EIF2AK4: variants seen among roughly 807,000 people sequenced by gnomAD.
The protein encoded by EIF2AK4 is eIF-2-alpha kinase GCN2.
Under a neutral mutation model 211.1 loss-of-function variants are expected in EIF2AK4, and 139 were observed. The observed-to-expected ratio is 0.66, with a 90% CI of 0.57 to 0.76. The LOEUF is 0.76. Among genes scored for constraint, EIF2AK4 ranks in the 30% least tolerant of loss-of-function variants. The pLI is 0.00. For synonymous variants in EIF2AK4, 710 were observed against 751.3 expected (o/e 0.94, Z 0.90); for missense variants, 1,664 against 2,043.8 (o/e 0.81, Z 3.58).
At chr15:40,011,104 C>T (rs141643866) in intron 26 of EIF2AK4, among the ~76,000 whole-genome samples, 177 bp from the exon 27 acceptor site, 3 of 152,152 alleles carry the variant, frequency 2.0e-5, no homozygotes, top group Admixed American at 1.3e-4. Flanking sequence ...AAGTTAATTA[C>T]GGTTTTGTGT....
chr15:39,981,923 A>ATT (rs2034794204), intron 13 of EIF2AK4, among the ~76,000 whole-genome samples: 1 of 88,490 alleles, frequency 1.1e-5, no homozygotes, highest in Admixed American at 1.1e-4. Context: ...TAATGTGGTC[A>ATT]CTTTTTTTTT....
At chr15:40,020,131 C>G (rs2035362523) in intron 30 of EIF2AK4, among the ~76,000 whole-genome samples, 1 of 150,532 alleles carries the variant, frequency 6.6e-6, no homozygotes, top group Admixed American at 6.6e-5. Flanking sequence ...CATGCCACTT[C>G]CACTCCAGCT....
chr15:39,997,256 G>A (rs867549793), intron 19 of EIF2AK4, among the ~76,000 whole-genome samples, 191 bp downstream of exon 19: 1 of 152,112 alleles, frequency 6.6e-6, no homozygotes, highest in Non-Finnish European at 1.5e-5. Context: ...ACATTTTTCT[G>A]AGCAAAGGAA....
In EIF2AK4 at chr15:39,987,579, T is replaced by C. The variant is rs12592321; in HGVS notation, c.2404-404T>C. ...TATTTTTCTCTAAACTTGAAGGTCA[T>C]TTGTGTTTAATGTAAGAAAAGCTAA... On this transcript the variant is annotated intron_variant, in intron 14 of 38. Coordinates refer to ENST00000263791, the MANE Select transcript of EIF2AK4 (RefSeq NM_001013703.4). 2.7e-3 allele frequency among the ~76,000 whole-genome samples: 412 copies of C among 152,308 alleles called. 22 individuals are homozygous for C. In the East Asian group the frequency reaches 0.071, roughly 26 times the overall value.
rs773939846 is a variant in EIF2AK4 at position 40,008,111 on chromosome 15, C to G, written c.3492C>G (p.Val1164=). Residue 1164 remains valine (V), a synonymous_variant, in exon 25 of 39, where the codon GTC becomes GTG. Transcript: ENST00000263791. ...KELLECAFDI[V]TSTTNSFLPT... ...TTCTGGAGTGTGCATTTGATATTGT[C>G]ACTTCTACCACCAACAGCTTTCTGC... The G allele has an allele frequency of 6.2e-6, 10 of 1,612,890 alleles. No homozygotes were observed. In the Admixed American group the frequency reaches 1.5e-4, roughly 24 times the overall value.
chr15:39,973,613 T>A lies in EIF2AK4; in HGVS notation c.1682T>A (p.Val561Asp). ...SPEDSEGQDY[V>D]ETVIPSNRLP... ...TCAGATTCTGAAGGACAAGATTATG[T>A]TGAGACTGTTATTCCTAGCAACCGG... The change falls in exon 11 of 39, where the codon GTT becomes GAT. Residue 561 changes from valine to aspartate, a missense_variant. Val to Asp is a radical substitution (Grantham distance 152, BLOSUM62 -3). Coordinates refer to ENST00000263791, the MANE Select transcript of EIF2AK4 (RefSeq NM_001013703.4). 1 of 1,613,786 alleles carries A rather than the reference T, an allele frequency of 6.2e-7. No homozygotes were observed. The highest frequency in any genetic ancestry group is 8.5e-7 in the Non-Finnish European group (1 of 1,179,796).
intron 23 of EIF2AK4, 76 bp downstream of exon 23, chr15:40,003,390 T>C: frequency 6.4e-7 from 1 of 1,574,382 alleles, no homozygotes. Flanking sequence ...TTAAAGGATT[T>C]TTCCCCCAGG....
chr15:39,937,035 G>A (rs1470566466), intron 1 of EIF2AK4, among the ~76,000 whole-genome samples: 2 of 151,906 alleles, frequency 1.3e-5, no homozygotes, highest in African/African-American at 4.8e-5. Flanking sequence ...ACATTTTGAG[G>A]TGCATGCTAA....
intron 32 of EIF2AK4, among the ~76,000 whole-genome samples, chr15:40,024,582 T>C (rs1314081743): frequency 6.6e-6 from 1 of 151,412 alleles, no homozygotes; most frequent in Non-Finnish European, 1.5e-5. Flanking sequence ...GTATTTTTAG[T>C]AGAGACAGGG....
At chr15:39,944,682 C>T (rs1308014951) in intron 3 of EIF2AK4, among the ~76,000 whole-genome samples, 1 of 152,180 alleles carries the variant, frequency 6.6e-6, no homozygotes, top group Non-Finnish European at 1.5e-5. Flanking sequence ...GTCCACCCGC[C>T]TCGGCCTCCC....
intron 19 of EIF2AK4, among the ~76,000 whole-genome samples, chr15:39,997,730 G>A (rs1202655391): frequency 6.6e-6 from 1 of 152,180 alleles, no homozygotes; most frequent in African/African-American, 2.4e-5. Flanking sequence ...GTGTTCTTGG[G>A]ATTAATCCTT....
Position 39,997,005 on chromosome 15 carries a change from G to A in EIF2AK4, c.2808G>A (p.Met936Ile). ...LFSLGIIFFEMSYHPMVTASE... is the reference protein window; with the variant it reads ...LFSLGIIFFEISYHPMVTASE... The stretch of plus-strand genomic sequence containing the variant: ...GCCTGGGAATTATCTTCTTTGAGAT[G>A]TCCTATCACCCCATGGTCACGGCTT... Residue 936 changes from methionine to isoleucine, a missense_variant, in exon 19 of 39, where the codon ATG becomes ATA. Coordinates refer to ENST00000263791, the MANE Select transcript of EIF2AK4 (RefSeq NM_001013703.4). 3.1e-6 allele frequency: 5 copies of A among 1,614,032 alleles called. No individual in the cohort carries two copies. Among genetic ancestry groups the A allele is most frequent in the Non-Finnish European group, 4.2e-6 (5 of 1,179,966 alleles).
rs1179360703 is a variant in EIF2AK4, at chr15:39,934,484, G to A, written c.144+145G>A. On this transcript the variant is annotated intron_variant, in intron 1 of 38. Coordinates refer to ENST00000263791, the MANE Select transcript of EIF2AK4 (RefSeq NM_001013703.4). ...TTAGGTTCCACCCATGCTCACTTTA[G>A]TCCTTGCACCTGCAGCTGGTCTGCA... The A allele has an allele frequency of 5.1e-6, 6 of 1,171,704 alleles. No individual in the cohort carries two copies. The East Asian group carries it at 1.7e-4, about 34-fold the overall frequency. 72.6% of individuals were successfully genotyped at this position (1,171,704 alleles called of 1,614,324 possible). A position where few individuals can be genotyped will look rare whatever the true frequency, so the allele number is the denominator to read the frequency against.
At chr15:40,022,262 T>C in intron 31 of EIF2AK4, 1 of 350,008 alleles carries the variant, frequency 2.9e-6, no homozygotes, top group Non-Finnish European at 5.2e-6. Context: ...GTCTTGAAGC[T>C]TTTGAAAACC....
Position 40,035,009 on chromosome 15 carries a change from T to G in EIF2AK4, c.4893-18T>G. 1 of 1,548,944 alleles carries G rather than the reference T, an allele frequency of 6.5e-7. No individual in the cohort carries two copies. The highest frequency in any genetic ancestry group is 8.7e-7 in the Non-Finnish European group (1 of 1,152,330). ...ATTAAACTGAGTCTGTCCTTATATC[T>G]TTTCTTTTCTTTTGCAGGGTGTCTG... is the stretch of plus-strand genomic sequence containing the variant. On this transcript the variant is annotated intron_variant, in intron 38 of 38. Coordinates refer to ENST00000263791, the MANE Select transcript of EIF2AK4 (RefSeq NM_001013703.4).
intron 4 of EIF2AK4, among the ~76,000 whole-genome samples, chr15:39,953,321 A>C (rs1429230636): frequency 6.6e-6 from 1 of 152,190 alleles, no homozygotes; most frequent in African/African-American, 2.4e-5. Context: ...ATCTCTTAAT[A>C]GTTTTGATAA....
intron 8 of EIF2AK4, among the ~76,000 whole-genome samples, chr15:39,966,207 T>A (rs1468529681): frequency 6.6e-6 from 1 of 152,124 alleles, no homozygotes; most frequent in African/African-American, 2.4e-5. Flanking sequence ...TAGTGACTCA[T>A]ACCTGTAATC....
At chr15:39,958,364 A>G (rs952282301) in intron 6 of EIF2AK4, among the ~76,000 whole-genome samples, 10 of 152,236 alleles carry the variant, frequency 6.6e-5, no homozygotes, top group African/African-American at 1.9e-4. Context: ...TATATCTACC[A>G]TCAACAAGAT....
intron 9 of EIF2AK4, among the ~76,000 whole-genome samples, chr15:39,970,552 C>T (rs941400867): frequency 1.3e-5 from 2 of 151,986 alleles, no homozygotes. Context: ...TAAGTACTGG[C>T]TTAGAAAGAG....
Sources: allele counts gnomAD v4.1 joint callset (sites outside exome capture counted in the v4.1 genomes callset), GRCh38; gene constraint gnomAD v4.1.1; transcripts MANE v1.5; gene names NCBI Gene and HGNC (gene_info 2026-07-23, HGNC 2026-07-21).